The following TTC17 variants were observed in gnomAD, a reference collection of about 807,000 sequenced individuals.
The protein encoded by TTC17 is tetratricopeptide repeat protein 17.
A neutral mutation model predicts 143.8 loss-of-function variants in TTC17; 58 were observed. That is an observed-to-expected ratio of 0.40 (90% CI 0.33 to 0.50). The LOEUF (loss-of-function observed/expected upper bound fraction) is 0.50. Ranked by LOEUF, TTC17 falls within the 20% of genes least tolerant of loss-of-function variation. The probability of loss-of-function intolerance (pLI) is 0.49; values close to 1 mark genes in which losing one functional copy is unlikely to be tolerated. For synonymous variants in TTC17, 501 were observed against 497.8 expected, an observed-to-expected ratio of 1.01 and a Z score of -0.09; for missense variants, 1,273 against 1,392.5, an observed-to-expected ratio of 0.91 and a Z score of 1.37.
chr11:43,462,990 ACTGCAAC>A (rs142698110), intron 21 of TTC17, among the ~76,000 whole-genome samples: 12,875 of 145,288 alleles, frequency 0.089, 2,036 homozygotes, highest in African/African-American at 0.32. Flanking sequence ...ATCTTGGCTC[ACTGCAAC>A]CTCTGCCTCC....
chr11:43,477,566 G>A (rs575279169), intron 21 of TTC17, among the ~76,000 whole-genome samples: 1 of 152,274 alleles, frequency 6.6e-6, no homozygotes, highest in South Asian at 2.1e-4. Flanking sequence ...AGAAGCAAAA[G>A]CAGAAACCCC....
chr11:43,376,324 C>T (rs1856763871), intron 1 of TTC17, among the ~76,000 whole-genome samples: 1 of 152,084 alleles, frequency 6.6e-6, no homozygotes, highest in Non-Finnish European at 1.5e-5. Context: ...TTCCATAGAG[C>T]CTAATTTCCA....
intron 1 of TTC17, among the ~76,000 whole-genome samples, chr11:43,377,086 G>C (rs1430273123): frequency 1.3e-5 from 2 of 152,204 alleles, no homozygotes; most frequent in Non-Finnish European, 2.9e-5. Flanking sequence ...GAGGTCAGGA[G>C]TTCGAGACCA....
At chr11:43,437,617 G>A (rs763931207) in intron 16 of TTC17, among the ~76,000 whole-genome samples, 1 of 152,128 alleles carries the variant, frequency 6.6e-6, no homozygotes, top group Non-Finnish European at 1.5e-5. Flanking sequence ...GCTGTATAGA[G>A]TGGTTTTGAG....
At chr11:43,430,028 T>C (rs187528339) in intron 16 of TTC17, among the ~76,000 whole-genome samples, 39 of 152,360 alleles carry the variant, frequency 2.6e-4, no homozygotes, top group African/African-American at 7.0e-4. Context: ...CAGTTTATTA[T>C]TTATGTCTTA....
At chr11:43,467,734 G>A (rs1225417421) in intron 21 of TTC17, among the ~76,000 whole-genome samples, 3 of 152,080 alleles carry the variant, frequency 2.0e-5, no homozygotes, top group East Asian at 1.9e-4. Flanking sequence ...GGTCAAAACA[G>A]GTTATTAGAA....
At chr11:43,363,331 A>G (rs1856191895) in intron 1 of TTC17, among the ~76,000 whole-genome samples, 1 of 152,132 alleles carries the variant, frequency 6.6e-6, no homozygotes, top group Non-Finnish European at 1.5e-5. Flanking sequence ...AAACTTGTGA[A>G]TTTGCCTAAG....
chr11:43,374,906 A>G (rs1403327002), intron 1 of TTC17, among the ~76,000 whole-genome samples: 1 of 152,204 alleles, frequency 6.6e-6, no homozygotes, highest in Non-Finnish European at 1.5e-5. Flanking sequence ...TACTGATTAT[A>G]TACCCAAAGA....
rs1402785130 is a variant in TTC17, at chr11:43,391,560, C to A, written c.515C>A (p.Ala172Asp). The A allele has an allele frequency of 6.4e-7, 1 of 1,573,362 alleles. No homozygotes were observed. The highest frequency in any genetic ancestry group is 2.1e-5 in the Admixed American group (1 of 47,800). The change falls in exon 4 of 24, where the codon GCT (alanine) becomes GAT (aspartate). Residue 172 changes from alanine to aspartate, a missense_variant. This residue lies in a region of TTC17 where 325 missense variants were observed against 444.2 expected (regional missense o/e 0.73). Transcript: ENST00000039989. ...KILELPYSIH[A>D]FQHLRGVQER... ...CTAGAACTTCCATATAGTATACATGCTTTTCAGCACTTGAGAGTAAGTAGA... is the reference window on the plus strand; with the variant it reads ...CTAGAACTTCCATATAGTATACATGATTTTCAGCACTTGAGAGTAAGTAGA...
At chr11:43,371,322 C>T (rs1208973621) in intron 1 of TTC17, among the ~76,000 whole-genome samples, 1 of 152,196 alleles carries the variant, frequency 6.6e-6, no homozygotes, top group African/African-American at 2.4e-5. Context: ...ACTCCTCCCA[C>T]CCAATTCAGT....
intron 22 of TTC17, 67 bp from the exon 23 acceptor site, chr11:43,491,953 C>T: frequency 3.8e-6 from 6 of 1,583,960 alleles, no homozygotes; most frequent in Non-Finnish European, 5.2e-6. Context: ...TCTTTATGAT[C>T]ACCAAAAACA....
chr11:43,434,955 A>G (rs1947252403), intron 16 of TTC17, among the ~76,000 whole-genome samples: 1 of 152,210 alleles, frequency 6.6e-6, no homozygotes, highest in African/African-American at 2.4e-5. Flanking sequence ...GGGAGATGGC[A>G]TTAGAAGTAC....
chr11:43,448,107 C>G lies in TTC17; in HGVS notation c.2771C>G (p.Ser924Cys). ...TAIVSTWLAV[S>C]SKNIDITEHI... ...ATCGTGAGTACCTGGCTTGCAGTTT[C>G]TTCAAAAAACATTGAGTAAGTATGT... Residue 924 changes from serine (S) to cysteine (C), a missense_variant, in exon 19 of 24, where the codon TCT becomes TGT. Physicochemically the swap from Ser to Cys is moderately radical, Grantham distance 112 (BLOSUM62 -1). Around this residue, in one of 3 missense-constraint regions of TTC17, gnomAD observed 878 missense variants for 899.8 expected, o/e 0.98. Transcript: ENST00000039989. The G allele has an allele frequency of 6.2e-7, 1 of 1,614,020 alleles. No homozygotes were observed. The highest frequency in any genetic ancestry group is 2.2e-5 in the East Asian group (1 of 44,874).
chr11:43,478,409 C>T (rs554736956), intron 21 of TTC17, among the ~76,000 whole-genome samples: 5 of 152,236 alleles, frequency 3.3e-5, no homozygotes, highest in Non-Finnish European at 4.4e-5. Flanking sequence ...GCATAATGTA[C>T]ATAAGCTTAT....
At chr11:43,478,721 C>T (rs529693081) in intron 21 of TTC17, among the ~76,000 whole-genome samples, 5 of 152,264 alleles carry the variant, frequency 3.3e-5, no homozygotes, top group African/African-American at 1.2e-4. Context: ...GATTCTCCTG[C>T]CTCATCCTCC....
chr11:43,418,615 A>G (rs1024739735), intron 16 of TTC17, among the ~76,000 whole-genome samples: 1 of 152,202 alleles, frequency 6.6e-6, no homozygotes, highest in Non-Finnish European at 1.5e-5. Context: ...GCTTTTGAAT[A>G]TAAGCAATGT....
At chr11:43,466,811 A>C in intron 21 of TTC17, 1 of 303,848 alleles carries the variant, frequency 3.3e-6, no homozygotes, top group Non-Finnish European at 6.5e-6. Flanking sequence ...AAGCCATGGA[A>C]TGCTTTGGGT....
At chr11:43,444,359 T>A in intron 18 of TTC17, 150 bp downstream of exon 18, 1 of 659,410 alleles carries the variant, frequency 1.5e-6, no homozygotes, top group Non-Finnish European at 2.3e-6. Flanking sequence ...TCTGTATCAA[T>A]GAAAAAAATG....
intron 16 of TTC17, among the ~76,000 whole-genome samples, chr11:43,433,082 C>T (rs1285752040): frequency 1.3e-5 from 2 of 152,130 alleles, no homozygotes; most frequent in Non-Finnish European, 2.9e-5. Flanking sequence ...CTCGCTGCAA[C>T]CTCTGCCTCC....
Sources: allele counts gnomAD v4.1 joint callset (sites outside exome capture counted in the v4.1 genomes callset), GRCh38; gene constraint gnomAD v4.1.1; regional missense constraint gnomAD v4.1.1; transcripts MANE v1.5; gene names NCBI Gene and HGNC (gene_info 2026-07-23, HGNC 2026-07-21).